The following HECTD4 variants were observed in gnomAD, a reference collection of about 807,000 sequenced individuals.
The protein encoded by HECTD4 is HECT domain E3 ubiquitin protein ligase 4.
HECTD4 carries 114 observed loss-of-function variants against 471.5 expected under a neutral mutation model. The ratio of observed to expected loss-of-function variants is 0.24; its 90% CI spans 0.21 to 0.28. The LOEUF (loss-of-function observed/expected upper bound fraction) is 0.28. HECTD4 is among the 10% of genes least tolerant of loss of function. The probability of loss-of-function intolerance (pLI) is 1.00; values close to 1 mark genes in which losing one functional copy is unlikely to be tolerated. For synonymous variants in HECTD4, 2,012 were observed against 2,256.0 expected, an observed-to-expected ratio of 0.89 and a Z score of 3.07; for missense variants, 3,866 against 5,651.5, an observed-to-expected ratio of 0.68 and a Z score of 10.13.
intron 55 of HECTD4, among the ~76,000 whole-genome samples, chr12:112,200,240 G>A (rs1040434048): frequency 1.3e-5 from 2 of 151,058 alleles, no homozygotes; most frequent in Non-Finnish European, 2.9e-5. Flanking sequence ...CGCAACCTCC[G>A]TCTCTCGGGT....
At chr12:112,291,942 A>G (rs761679293) in intron 7 of HECTD4, among the ~76,000 whole-genome samples, 33 of 152,206 alleles carry the variant, frequency 2.2e-4, no homozygotes, top group Non-Finnish European at 3.8e-4. Flanking sequence ...ACAAGATGCA[A>G]CCTACACATT....
rs1218674403 is a variant in HECTD4, at chr12:112,197,638, AT to A, written c.8568-2573del. ...TGTCTTCCAATACCAGGACCACCGC[AT>A]TAACACTGATTAAACATCCTACACT... On this transcript the variant is annotated intron_variant, in intron 55 of 75. Coordinates refer to ENST00000682272, the MANE Select transcript of HECTD4 (RefSeq NM_001388303.1). 2.0e-5 allele frequency among the ~76,000 whole-genome samples: 3 copies of A among 152,360 alleles called. No homozygotes were observed. The East Asian group carries it at 5.8e-4, about 29-fold the overall frequency.
In HECTD4 at chr12:112,301,799, TG is replaced by T. The variant is rs1237715872; in HGVS notation, c.1335+4264del. On this transcript the variant is annotated intron_variant, in intron 7 of 75. Coordinates refer to ENST00000682272, the MANE Select transcript of HECTD4 (RefSeq NM_001388303.1). ...GTTTTACTCTATTTCTTCAGCTAGC[TG>T]TTTTTTTTTTTAAGGAAAATTTGTA... 5 of 515,142 alleles carry T rather than the reference TG, an allele frequency of 9.7e-6. No individual in the cohort carries two copies. The African/African-American group carries it at 1.2e-4, about 12-fold the overall frequency. The allele number at this position is 515,142 out of a possible 1,614,324, so 31.9% of individuals were successfully genotyped here.
Position 112,231,556 on chromosome 12 carries a change from C to G in HECTD4, c.6157G>C (p.Ala2053Pro). The G allele has an allele frequency of 6.2e-7, 1 of 1,613,988 alleles. No individual in the cohort carries two copies. The highest frequency in any genetic ancestry group is 8.5e-7 in the Non-Finnish European group (1 of 1,179,890). ...GLSTGDKKKT[A>P]QTSICRERNS... ...CTCTCTCGGCAAATGGAAGTTTGGG[C>G]AGTTTTCTTTTTGTCGCCTGTGGAT... Residue 2053 changes from alanine (A) to proline (P), a missense_variant, in exon 39 of 76, where the codon GCC becomes CCC. By Grantham distance (27) the Ala-to-Pro change is conservative. Transcript: ENST00000682272.
At chr12:112,272,924 G>T (rs1255336846) in intron 11 of HECTD4, among the ~76,000 whole-genome samples, 1 of 152,180 alleles carries the variant, frequency 6.6e-6, no homozygotes, top group Non-Finnish European at 1.5e-5. Context: ...AAATTACTGT[G>T]CTGACCAAGC....
At chr12:112,357,119 A>C (rs1000124568) in intron 1 of HECTD4, among the ~76,000 whole-genome samples, 1 of 152,198 alleles carries the variant, frequency 6.6e-6, no homozygotes, top group Non-Finnish European at 1.5e-5. Context: ...AGCAGGACTA[A>C]ATGATTTCAA....
chr12:112,319,105 G>A lies in HECTD4; in HGVS notation c.695+120C>T. 1 of 1,067,344 alleles carries A rather than the reference G, an allele frequency of 9.4e-7. No individual in the cohort carries two copies. Among genetic ancestry groups the A allele is most frequent in the Non-Finnish European group, 1.3e-6 (1 of 758,854 alleles). The allele number at this position is 1,067,344 out of a possible 1,614,324, so 66.1% of individuals were successfully genotyped here. On this transcript the variant is annotated intron_variant, in intron 2 of 75. Transcript: ENST00000682272. This position sits in a 1 kb window ranked among gnomAD's most constrained non-coding sequence, Gnocchi z 5.3. ...AAGGCTGTGAAATTCAATACTGAAA[G>A]CAAAGAAGGACTTCTGAATGTTAAG...
At chr12:112,165,444 C>T (rs551555342) in intron 72 of HECTD4, among the ~76,000 whole-genome samples, 7 of 150,492 alleles carry the variant, frequency 4.7e-5, no homozygotes, top group Non-Finnish European at 7.4e-5. Context: ...CTCCGCCTCT[C>T]GAGTTCACAC....
intron 52 of HECTD4, 119 bp from the exon 53 acceptor site, chr12:112,204,742 A>C: frequency 1.2e-6 from 1 of 814,764 alleles, no homozygotes; most frequent in Non-Finnish European, 1.9e-6. Context: ...TTATGAAAGT[A>C]CATAACCCTT....
rs563987497 is a variant in HECTD4 at position 112,335,714 on chromosome 12, C to G, written c.178-15972G>C. On this transcript the variant is annotated intron_variant, in intron 1 of 75. Coordinates refer to ENST00000682272, the MANE Select transcript of HECTD4 (RefSeq NM_001388303.1). ...AAAACAAAAGACTATAAATTGGGTG[C>G]AGCGTATACTGCTCAGATGATGGGT... Among the ~76,000 whole-genome samples the G allele has an allele frequency of 2.6e-5, 4 of 152,146 alleles. No homozygotes were observed. The East Asian group carries it at 7.7e-4, about 29-fold the overall frequency.
rs749737885 is a variant in HECTD4 at position 112,185,304 on chromosome 12, T to C, written c.9662A>G (p.Lys3221Arg). The change falls in exon 61 of 76, where the codon AAG (lysine) becomes AGG (arginine). Residue 3221 changes from lysine to arginine, a missense_variant. Lys to Arg is a conservative substitution (Grantham distance 26, BLOSUM62 2). Transcript: ENST00000682272. ...MLMALQSELH[K>R]LYDEETQNWV... Reference sequence around the variant, plus strand: ...GTTCTGCGTCTCCTCGTCGTACAGCTTGTGGAGCTCCGACTGCAAGGCCAT... The same window carrying C: ...GTTCTGCGTCTCCTCGTCGTACAGCCTGTGGAGCTCCGACTGCAAGGCCAT... The C allele has an allele frequency of 2.6e-6, 4 of 1,566,374 alleles. No individual in the cohort carries two copies.
intron 1 of HECTD4, chr12:112,322,112 A>G (rs1324986964): frequency 1.3e-5 from 2 of 152,110 alleles, no homozygotes; most frequent in Non-Finnish European, 2.9e-5. Flanking sequence ...TCTGCTAAAA[A>G]AAAAAAAAAA....
intron 6 of HECTD4, among the ~76,000 whole-genome samples, chr12:112,306,824 T>C (rs1237703047): frequency 1.3e-5 from 2 of 152,168 alleles, no homozygotes; most frequent in Non-Finnish European, 2.9e-5. Context: ...AGATCCTAAC[T>C]TAGCATATGA....
chr12:112,230,332 G>A (rs1327692332), intron 40 of HECTD4, among the ~76,000 whole-genome samples: 1 of 152,146 alleles, frequency 6.6e-6, no homozygotes, highest in Non-Finnish European at 1.5e-5. Flanking sequence ...TGTAAATCAC[G>A]CAGAGGCCTC....
Position 112,235,760 on chromosome 12 carries a change from C to G in HECTD4, c.5469G>C (p.Leu1823=), listed in dbSNP as rs373121929. ...LSRSHIGKAI[L]SQPACVSKLL... ...GTTTGGACACACAAGCTGGCTGGCTCAGGATGGCTTTACCTATGTGGCTCC... is the reference window on the plus strand; with the variant it reads ...GTTTGGACACACAAGCTGGCTGGCTGAGGATGGCTTTACCTATGTGGCTCC... The change falls in exon 36 of 76, where the codon CTG becomes CTC. Residue 1823 remains leucine, a synonymous_variant. Transcript: ENST00000682272. This position sits in a 1 kb window ranked among gnomAD's most constrained non-coding sequence, Gnocchi z 5.0. The G allele has an allele frequency of 6.2e-7, 1 of 1,613,160 alleles. No homozygotes were observed. Among genetic ancestry groups the G allele is most frequent in the Non-Finnish European group, 8.5e-7 (1 of 1,179,608 alleles).
chr12:112,353,337 C>T (rs2036279185), intron 1 of HECTD4, among the ~76,000 whole-genome samples: 1 of 152,158 alleles, frequency 6.6e-6, no homozygotes, highest in African/African-American at 2.4e-5. Flanking sequence ...GTCTTATTTC[C>T]CTAAATTCTA....
At chr12:112,250,037 ATAAAAT>A (rs900933623) in intron 25 of HECTD4, 101 bp downstream of exon 25, 86 of 802,654 alleles carry the variant, frequency 1.1e-4, no homozygotes, top group Admixed American at 6.2e-4. Flanking sequence ...TGGAGTAAAC[ATAAAAT>A]TAAAGTTTCA....
chr12:112,378,558 G>A (rs1425548058), intron 1 of HECTD4, among the ~76,000 whole-genome samples: 1 of 152,040 alleles, frequency 6.6e-6, no homozygotes, highest in Non-Finnish European at 1.5e-5. Flanking sequence ...CTCTTCTGCA[G>A]TAAGGTTGCC....
intron 19 of HECTD4, chr12:112,258,862 T>C (rs2034083210): frequency 1.8e-6 from 1 of 562,022 alleles, no homozygotes; most frequent in Non-Finnish European, 3.1e-6. Context: ...CATTGTATAT[T>C]AGCATTTTTA....
Sources: allele counts gnomAD v4.1 joint callset (sites outside exome capture counted in the v4.1 genomes callset), GRCh38; gene constraint gnomAD v4.1.1; non-coding constraint Gnocchi (gnomAD v3.1); transcripts MANE v1.5; gene names NCBI Gene and HGNC (gene_info 2026-07-23, HGNC 2026-07-21).